Variants in CYB5R4 observed in about 807,000 individuals in gnomAD.
The protein encoded by CYB5R4 is cytochrome b5 reductase 4, also known as N-terminal cytochrome b5 and cytochrome b5 oxidoreductase domain-containing protein.
In CYB5R4, 55 loss-of-function variants were observed where a neutral mutation model predicts 70.2. The observed-to-expected ratio is 0.78, with a 90% CI of 0.63 to 0.98. CYB5R4 has a LOEUF of 0.98. Ranked by LOEUF, CYB5R4 falls within the 50% of genes least tolerant of loss-of-function variation. The pLI, the probability that CYB5R4 is intolerant of heterozygous loss-of-function variation, is 0.00. For missense variants in CYB5R4, 562 were observed against 612.6 expected (o/e 0.92, Z 0.87); for synonymous variants, 197 against 199.5 (o/e 0.99, Z 0.11).
At chr6:83,886,520 G>A (rs542171911) in intron 2 of CYB5R4, among the ~76,000 whole-genome samples, 7 of 152,288 alleles carry the variant, frequency 4.6e-5, no homozygotes. Flanking sequence ...CCTGAAAGAA[G>A]TTAGTCACAA....
At chr6:83,902,565 T>A (rs1487370535) in intron 3 of CYB5R4, among the ~76,000 whole-genome samples, 1 of 152,116 alleles carries the variant, frequency 6.6e-6, no homozygotes, top group Non-Finnish European at 1.5e-5. Flanking sequence ...AAAATAACAG[T>A]GGTATTTTGA....
intron 3 of CYB5R4, among the ~76,000 whole-genome samples, chr6:83,904,830 G>C (rs990586668): frequency 1.3e-5 from 2 of 151,846 alleles, no homozygotes; most frequent in Non-Finnish European, 2.9e-5. Context: ...TTATAATTCT[G>C]TTGTACCTCA....
chr6:83,947,946 G>A (rs2099470900), intron 14 of CYB5R4, among the ~76,000 whole-genome samples: 1 of 152,188 alleles, frequency 6.6e-6, no homozygotes, highest in Non-Finnish European at 1.5e-5. Flanking sequence ...TTCAACCCTT[G>A]TGGAAGACAG....
intron 2 of CYB5R4, among the ~76,000 whole-genome samples, chr6:83,867,016 A>G (rs2099456833): frequency 6.6e-6 from 1 of 152,142 alleles, no homozygotes; most frequent in South Asian, 2.1e-4. Flanking sequence ...TCTTTTTTTA[A>G]ATCTTTTTAC....
chr6:83,925,207 A>G lies in CYB5R4; in HGVS notation c.814+615A>G, dbSNP rs568296515. ...TGAATGGAAAACAGGCACATCTTAC[A>G]TGGCTGGAGAAGGAGGAGGAGAGAG... On this transcript the variant is annotated intron_variant, in intron 10 of 15. Coordinates refer to ENST00000369681, the MANE Select transcript of CYB5R4 (RefSeq NM_016230.4). Among the ~76,000 whole-genome samples, 7 of 152,272 alleles carry G rather than the reference A, an allele frequency of 4.6e-5. No homozygotes were observed. The South Asian group carries it at 8.3e-4, about 18-fold the overall frequency.
intron 4 of CYB5R4, among the ~76,000 whole-genome samples, chr6:83,913,775 C>T (rs1039066990): frequency 2.6e-5 from 4 of 151,810 alleles, no homozygotes; most frequent in Non-Finnish European, 4.4e-5. Context: ...ATTTTGACAA[C>T]TTGCTGAGGT....
At chr6:83,884,694 TAC>T (rs1588563552) in intron 2 of CYB5R4, among the ~76,000 whole-genome samples, 1 of 152,170 alleles carries the variant, frequency 6.6e-6, no homozygotes, top group East Asian at 1.9e-4. Context: ...TGCATTTCAA[TAC>T]AGTGAAATAT....
chr6:83,947,354 A>G (rs2099470779), intron 14 of CYB5R4, among the ~76,000 whole-genome samples: 1 of 152,200 alleles, frequency 6.6e-6, no homozygotes, highest in Non-Finnish European at 1.5e-5. Flanking sequence ...CACTAGCCAT[A>G]TGCACAAAAC....
At chr6:83,905,140 C>T (rs143856912) in intron 3 of CYB5R4, among the ~76,000 whole-genome samples, 1,931 of 152,212 alleles carry the variant, frequency 0.013, 44 homozygotes, top group African/African-American at 0.044. Context: ...CTGCAACCTC[C>T]GCGTCCCAGG....
chr6:83,940,014 TG>T (rs200436059), intron 12 of CYB5R4, 41 bp from the exon 13 acceptor site: 6 of 1,404,698 alleles, frequency 4.3e-6, no homozygotes, highest in Admixed American at 2.3e-5. Flanking sequence ...TTTTGTTTTT[TG>T]TTTTTTTTTT....
intron 14 of CYB5R4, among the ~76,000 whole-genome samples, chr6:83,949,741 C>A (rs539197422): frequency 4.9e-4 from 75 of 152,212 alleles, no homozygotes; most frequent in African/African-American, 1.7e-3. Context: ...ATATCATTAG[C>A]AAATGGAATT....
Position 83,884,857 on chromosome 6 carries a change from G to A in CYB5R4, c.230-8665G>A, listed in dbSNP as rs573685134. On this transcript the variant is annotated intron_variant, in intron 2 of 15. Coordinates refer to ENST00000369681, the MANE Select transcript of CYB5R4 (RefSeq NM_016230.4). Reference sequence around the variant, plus strand: ...GGCATTAAATGAATTTTTGTTGAATGAATATAATGTGGGGCTTTTAGAATT... The same window carrying A: ...GGCATTAAATGAATTTTTGTTGAATAAATATAATGTGGGGCTTTTAGAATT... 5.3e-5 allele frequency among the ~76,000 whole-genome samples: 8 copies of A among 152,254 alleles called. No individual in the cohort carries two copies. The South Asian group carries it at 1.7e-3, about 32-fold the overall frequency.
intron 3 of CYB5R4, among the ~76,000 whole-genome samples, chr6:83,905,700 C>G (rs1011067761): frequency 6.6e-6 from 1 of 151,980 alleles, no homozygotes; most frequent in Non-Finnish European, 1.5e-5. Context: ...TCTTGGGCCT[C>G]TTGGTGGCCT....
intron 14 of CYB5R4, among the ~76,000 whole-genome samples, chr6:83,944,444 A>G (rs1470359791): frequency 6.6e-6 from 1 of 152,194 alleles, no homozygotes; most frequent in East Asian, 1.9e-4. Flanking sequence ...AGTACTAAAT[A>G]TGAAAAAGAA....
At chr6:83,921,589 C>T (rs143822705) in intron 8 of CYB5R4, among the ~76,000 whole-genome samples, 1 of 152,276 alleles carries the variant, frequency 6.6e-6, no homozygotes, top group African/African-American at 2.4e-5. Flanking sequence ...GCAGCCTGGA[C>T]TACAAATTTG....
intron 2 of CYB5R4, among the ~76,000 whole-genome samples, chr6:83,866,624 T>C (rs573306632): frequency 2.6e-5 from 4 of 152,092 alleles, no homozygotes; most frequent in Admixed American, 1.3e-4. Context: ...TGTTTTTTTT[T>C]TTTATAAAGG....
chr6:83,906,532 G>A (rs2099463801), intron 3 of CYB5R4, among the ~76,000 whole-genome samples: 1 of 152,188 alleles, frequency 6.6e-6, no homozygotes, highest in African/African-American at 2.4e-5. Flanking sequence ...AGGATTGCAT[G>A]AGTCCATGGT....
At chr6:83,898,627 T>A (rs1335418864) in intron 3 of CYB5R4, among the ~76,000 whole-genome samples, 11 of 152,224 alleles carry the variant, frequency 7.2e-5, no homozygotes, top group Non-Finnish European at 1.3e-4. Flanking sequence ...GTTTGTATCC[T>A]CTTTTATTGC....
intron 12 of CYB5R4, among the ~76,000 whole-genome samples, chr6:83,938,656 G>A (rs961649854): frequency 4.6e-5 from 7 of 152,156 alleles, no homozygotes; most frequent in Admixed American, 4.6e-4. Flanking sequence ...ATTAGCATCA[G>A]TTATCCTATG....
Sources: allele counts gnomAD v4.1 joint callset (sites outside exome capture counted in the v4.1 genomes callset), GRCh38; gene constraint gnomAD v4.1.1; transcripts MANE v1.5; gene names NCBI Gene and HGNC (gene_info 2026-07-23, HGNC 2026-07-21).